Variants in RAD54L2 observed in about 807,000 individuals in gnomAD.
The protein encoded by RAD54L2 is RAD54 like 2.
A neutral mutation model predicts 138.4 loss-of-function variants in RAD54L2; 27 were observed. That is an observed-to-expected ratio of 0.20 (90% CI 0.14 to 0.27). RAD54L2 has a LOEUF of 0.27. RAD54L2 is among the 10% of genes least tolerant of loss of function. The pLI, the probability that RAD54L2 is intolerant of heterozygous loss-of-function variation, is 1.00. For synonymous variants in RAD54L2, 644 were observed against 723.2 expected (o/e 0.89, Z 1.76); for missense variants, 1,396 against 1,890.2 (o/e 0.74, Z 4.85).
chr3:51,628,320 T>C (rs1188823359), intron 4 of RAD54L2, among the ~76,000 whole-genome samples: 1 of 152,150 alleles, frequency 6.6e-6, no homozygotes, highest in Non-Finnish European at 1.5e-5. Flanking sequence ...TAACGACAAC[T>C]TGAAATATTA....
intron 14 of RAD54L2, among the ~76,000 whole-genome samples, chr3:51,641,491 A>G (rs931848855): frequency 6.6e-6 from 1 of 151,220 alleles, no homozygotes; most frequent in Non-Finnish European, 1.5e-5. Context: ...TAATTTTTGT[A>G]TTTTTAGTAC....
intron 3 of RAD54L2, among the ~76,000 whole-genome samples, chr3:51,596,336 G>T (rs1699964212): frequency 6.6e-6 from 1 of 151,366 alleles, no homozygotes; most frequent in Non-Finnish European, 1.5e-5. Context: ...GGGTCTTTCA[G>T]TCTGTACAAA....
Position 51,626,561 on chromosome 3 carries a change from T to A in RAD54L2, c.140-992T>A, listed in dbSNP as rs1559641481. 2.0e-5 allele frequency among the ~76,000 whole-genome samples: 3 copies of A among 149,792 alleles called. No homozygotes were observed. In the Admixed American group the frequency reaches 2.0e-4, roughly 10 times the overall value. On this transcript the variant is annotated intron_variant, in intron 3 of 22. Coordinates refer to ENST00000684192, the MANE Select transcript of RAD54L2 (RefSeq NM_015106.4). ...CTGGGTTCAATTGATGCTCCTGCCT[T>A]AGCCTCCCGAGTAGCTGGGATTACA...
At chr3:51,564,474 G>C (rs747074279) in intron 2 of RAD54L2, among the ~76,000 whole-genome samples, 1 of 152,220 alleles carries the variant, frequency 6.6e-6, no homozygotes, top group Non-Finnish European at 1.5e-5. Flanking sequence ...TCAGGTGTTA[G>C]GAATGGAGAG....
chr3:51,550,243 T>C (rs1415586738), intron 2 of RAD54L2, among the ~76,000 whole-genome samples: 1 of 152,176 alleles, frequency 6.6e-6, no homozygotes, highest in Admixed American at 6.5e-5. Flanking sequence ...AAAGGTGCCT[T>C]TCCCCCAGGC....
intron 2 of RAD54L2, among the ~76,000 whole-genome samples, chr3:51,588,249 T>C (rs1378203420): frequency 7.0e-6 from 1 of 142,790 alleles, no homozygotes; most frequent in Admixed American, 7.1e-5. Context: ...GTGTGAAAAT[T>C]TGAGGCTGGG....
intron 13 of RAD54L2, 27 bp from the exon 14 acceptor site, chr3:51,639,854 C>G: frequency 6.4e-7 from 1 of 1,550,936 alleles, no homozygotes; most frequent in South Asian, 1.2e-5. Flanking sequence ...TGGACCTGCT[C>G]TAAGCTGCCT....
chr3:51,597,498 T>C (rs1699989338), intron 3 of RAD54L2, among the ~76,000 whole-genome samples: 2 of 152,208 alleles, frequency 1.3e-5, no homozygotes, highest in East Asian at 1.9e-4. Flanking sequence ...AATTATGACA[T>C]AGAAATCAAA....
chr3:51,623,029 C>T (rs1443584193), intron 3 of RAD54L2, among the ~76,000 whole-genome samples: 1 of 152,184 alleles, frequency 6.6e-6, no homozygotes, highest in African/African-American at 2.4e-5. Flanking sequence ...TATGTGTTTC[C>T]CCATGTGGTC....
chr3:51,592,609 T>C (rs914465552), intron 3 of RAD54L2, among the ~76,000 whole-genome samples: 1 of 151,978 alleles, frequency 6.6e-6, no homozygotes, highest in Admixed American at 6.6e-5. Flanking sequence ...TTTTTTCTTT[T>C]GTTGGCCCTG....
At chr3:51,559,050 T>C (rs1211873197) in intron 2 of RAD54L2, among the ~76,000 whole-genome samples, 1 of 151,858 alleles carries the variant, frequency 6.6e-6, no homozygotes, top group African/African-American at 2.4e-5. Context: ...ATTTTTTGTA[T>C]TTTTAGTAGA....
chr3:51,610,793 T>C (rs1033768986), intron 3 of RAD54L2, among the ~76,000 whole-genome samples: 9 of 152,202 alleles, frequency 5.9e-5, no homozygotes, highest in African/African-American at 1.4e-4. Context: ...TGAGAGAGGC[T>C]GCCAGTTGGA....
chr3:51,582,199 T>G (rs1448011606), intron 2 of RAD54L2, among the ~76,000 whole-genome samples: 2 of 152,168 alleles, frequency 1.3e-5, no homozygotes, highest in Non-Finnish European at 2.9e-5. Context: ...TGAGCCACTG[T>G]GCCTGGCCAG....
chr3:51,626,000 G>A (rs983370907), intron 3 of RAD54L2, among the ~76,000 whole-genome samples: 1 of 151,938 alleles, frequency 6.6e-6, no homozygotes, highest in African/African-American at 2.4e-5. Flanking sequence ...CAGAAAAAAG[G>A]ATATTAATGG....
At chr3:51,542,893 T>C (rs1698589142) in intron 2 of RAD54L2, among the ~76,000 whole-genome samples, 1 of 152,204 alleles carries the variant, frequency 6.6e-6, no homozygotes, top group Non-Finnish European at 1.5e-5. Context: ...GGCATGTTCT[T>C]GTTTGGAAAC....
chr3:51,588,465 G>A (rs1553680749), intron 2 of RAD54L2, among the ~76,000 whole-genome samples: 1 of 142,822 alleles, frequency 7.0e-6, no homozygotes, highest in African/African-American at 2.5e-5. Flanking sequence ...AACCCAGGAG[G>A]TGGAGGTTGC....
chr3:51,658,738 C>G (rs545065051), intron 21 of RAD54L2, among the ~76,000 whole-genome samples: 1 of 152,242 alleles, frequency 6.6e-6, no homozygotes, highest in Non-Finnish European at 1.5e-5. Context: ...ATAGAAAACA[C>G]CATTCCCAGC....
intron 20 of RAD54L2, among the ~76,000 whole-genome samples, chr3:51,656,964 T>C (rs1577468621): frequency 6.6e-6 from 1 of 152,164 alleles, no homozygotes; most frequent in African/African-American, 2.4e-5. Flanking sequence ...TTCGAACTCC[T>C]GAGCTCAGGC....
intron 3 of RAD54L2, among the ~76,000 whole-genome samples, chr3:51,618,213 G>T (rs920598916): frequency 3.3e-5 from 5 of 150,116 alleles, no homozygotes; most frequent in Non-Finnish European, 5.9e-5. Flanking sequence ...TCCTGACCTC[G>T]TGATCTGCCT....
Sources: allele counts gnomAD v4.1 joint callset (sites outside exome capture counted in the v4.1 genomes callset), GRCh38; gene constraint gnomAD v4.1.1; transcripts MANE v1.5; gene names NCBI Gene and HGNC (gene_info 2026-07-23, HGNC 2026-07-21).